The following XIST variants were observed in gnomAD, a reference collection of about 807,000 sequenced individuals.
XIST encodes the protein X inactive specific transcript, also known as X inactive specific transcript (non-protein coding).
chrX:73,847,902 T>C (rs1922815663), exon 1 of XIST: 2 of 558,986 alleles, frequency 3.6e-6, no homozygotes, highest in Non-Finnish European at 3.2e-6. Context: ...TAATATCCCT[T>C]GCTGTAAAAC....
At chrX:73,846,509 A>G (rs749108425) in exon 1 of XIST, 1 of 559,388 alleles carries the variant, frequency 1.8e-6, no homozygotes, top group Non-Finnish European at 3.2e-6. Context: ...CTGTATTGCA[A>G]AAGGGGTCGG....
At chrX:73,843,558 G>A (rs1315214055) in exon 1 of XIST, 1 of 558,821 alleles carries the variant, frequency 1.8e-6, no homozygotes, top group Non-Finnish European at 3.2e-6. Context: ...GGGAATATGT[G>A]GAGATCAACT....
chrX:73,842,158 ATGTC>A (rs1214626979), exon 1 of XIST: 1 of 508,949 alleles, frequency 2.0e-6, no homozygotes, highest in Admixed American at 2.7e-5. Flanking sequence ...TACAATCCAG[ATGTC>A]TTTCTTAAAA....
At chrX:73,821,070 T>A (rs974362552) in exon 6 of XIST, 2 of 558,892 alleles carry the variant, frequency 3.6e-6, no homozygotes, top group Non-Finnish European at 6.5e-6. Context: ...TCTTTCCATT[T>A]TCCAATAATC....
chrX:73,833,216 A>C (rs749093059), intron 3 of XIST: 2 of 555,244 alleles, frequency 3.6e-6, no homozygotes, highest in South Asian at 4.5e-5. Flanking sequence ...GAAGCACTAC[A>C]ACAATAAATT....
At chrX:73,824,065 G>T in exon 6 of XIST, 1 of 555,120 alleles carries the variant, frequency 1.8e-6, no homozygotes, top group Admixed American at 2.2e-5. Context: ...CTAAGGATAA[G>T]AGTAATCAAT....
At chrX:73,846,552 T>C (rs776110113) in exon 1 of XIST, 2 of 559,199 alleles carry the variant, frequency 3.6e-6, no homozygotes, top group East Asian at 3.2e-5. Flanking sequence ...GAATGAGCAG[T>C]GTGCGATTAC....
chrX:73,824,237 G>A (rs932565094), exon 6 of XIST: 5 of 515,302 alleles, frequency 9.7e-6, no homozygotes, highest in African/African-American at 2.3e-5. Context: ...AACTACTATA[G>A]TGGCATTCTT....
rs1569512140 is a variant in XIST, at chrX:73,838,346, C to CACT, written n.11343-844_11343-843insAGT. Among the ~76,000 whole-genome samples, 22 of 110,816 alleles carry CACT rather than the reference C, an allele frequency of 2.0e-4. No homozygotes were observed. In the East Asian group the frequency reaches 5.1e-3, roughly 26 times the overall value. On this transcript the variant is annotated intron_variant and non_coding_transcript_variant, in intron 1 of 5. Coordinates refer to ENST00000429829, the Ensembl canonical transcript of XIST. ...TGTAATAAGAGGGTATTGCTTGGGT[C>CACT]TACTGCATAACCTCTCATGTTTCCG... is the stretch of plus-strand genomic sequence containing the variant.
exon 1 of XIST, chrX:73,850,454 A>G (rs1922891554): frequency 1.8e-6 from 1 of 545,658 alleles, no homozygotes; most frequent in Admixed American, 2.3e-5. Context: ...CCACAAAATC[A>G]GACTGTATGA....
exon 6 of XIST, chrX:73,822,438 T>C: frequency 1.9e-6 from 1 of 515,095 alleles, no homozygotes; most frequent in Non-Finnish European, 3.5e-6. Flanking sequence ...CATGCATTTT[T>C]TTCCCATGTC....
chrX:73,831,071 C>T (rs1162663299), exon 4 of XIST: 3 of 557,701 alleles, frequency 5.4e-6, no homozygotes, highest in South Asian at 2.2e-5. Context: ...CGCACCTTGA[C>T]GTGTGGTGGT....
exon 6 of XIST, chrX:73,827,074 C>A (rs746974408): frequency 1.8e-6 from 1 of 556,651 alleles, no homozygotes; most frequent in Non-Finnish European, 3.2e-6. Context: ...AAGTCTCAAA[C>A]CATCTGTCTT....
exon 6 of XIST, chrX:73,825,442 A>AT: frequency 1.9e-6 from 1 of 538,664 alleles, no homozygotes; most frequent in Non-Finnish European, 3.4e-6. Flanking sequence ...CACATTCACT[A>AT]TTTTTTTTCA....
exon 1 of XIST, chrX:73,842,987 G>A (rs1369299543): frequency 5.4e-6 from 3 of 556,794 alleles, no homozygotes; most frequent in East Asian, 3.3e-5. Context: ...ACACACTGGC[G>A]CAATGCAAAA....
At chrX:73,831,362 AT>A in intron 3 of XIST, 2 of 426,779 alleles carry the variant, frequency 4.7e-6, no homozygotes, top group Non-Finnish European at 8.2e-6. Context: ...GTTCAACCAT[AT>A]TTTTACCCTT....
intron 2 of XIST, among the ~76,000 whole-genome samples, chrX:73,836,408 C>T (rs1013466871): frequency 2.7e-5 from 3 of 111,201 alleles, no homozygotes; most frequent in Non-Finnish European, 3.8e-5. Context: ...CACTCACTAC[C>T]GTAATATTAA....
At chrX:73,831,292 A>T (rs1473744853) in intron 3 of XIST, 1 of 512,223 alleles carries the variant, frequency 2.0e-6, no homozygotes, top group Non-Finnish European at 3.5e-6. Context: ...GAGATAAAAG[A>T]AAAAGTATTG....
exon 6 of XIST, chrX:73,825,120 T>C (rs1922219837): frequency 5.8e-6 from 3 of 518,456 alleles, no homozygotes; most frequent in Non-Finnish European, 1.0e-5. Context: ...GCACCCAGCA[T>C]GGTATCTGGC....
Sources: gnomAD v4.1 joint callset for allele counts (sites outside exome capture counted in the v4.1 genomes callset) on GRCh38, gnomAD v4.1.1 for gene constraint, MANE v1.5 for transcripts, NCBI Gene and HGNC (gene_info 2026-07-23, HGNC 2026-07-21) for gene names.